The following BORCS5 variants were observed in gnomAD, a reference collection of about 807,000 sequenced individuals.
The protein encoded by BORCS5 is BLOC-1-related complex subunit 5.
BORCS5 carries 17 observed loss-of-function variants against 22.1 expected under a neutral mutation model. That is an observed-to-expected ratio of 0.77 (90% confidence interval 0.53 to 1.15). The LOEUF (loss-of-function observed/expected upper bound fraction) is 1.15, where lower values mean the gene tolerates loss of function less well. Ranked by LOEUF, BORCS5 falls within the 50% of genes most tolerant of loss-of-function variation. The pLI is 0.00. For missense variants in BORCS5, 247 were observed against 253.2 expected (o/e 0.98, Z 0.17); for synonymous variants, 117 against 99.8 (o/e 1.17, Z -1.03).
chr12:12,367,017 G>A (rs1183674279), intron 2 of BORCS5, among the ~76,000 whole-genome samples: 3 of 152,140 alleles, frequency 2.0e-5, no homozygotes, highest in African/African-American at 7.2e-5. Flanking sequence ...TTGGGAGTTT[G>A]GTGTTTGGTT....
At chr12:12,464,579 G>C (rs561548958) in intron 3 of BORCS5, among the ~76,000 whole-genome samples, 1 of 152,078 alleles carries the variant, frequency 6.6e-6, no homozygotes, top group Non-Finnish European at 1.5e-5. Context: ...TAGTTGAGCT[G>C]TTTTCTCCTG....
chr12:12,460,991 A>G (rs534036377), intron 3 of BORCS5, among the ~76,000 whole-genome samples: 9 of 152,284 alleles, frequency 5.9e-5, no homozygotes, highest in African/African-American at 2.2e-4. Context: ...ACAGATGCCT[A>G]ATAACCTTAG....
rs571117986 is a variant in BORCS5, at chr12:12,379,143, A to G, written c.202+17794A>G. Among the ~76,000 whole-genome samples, 11 of 148,216 alleles carry G rather than the reference A, an allele frequency of 7.4e-5. 1 individual carries two copies. The highest frequency in any genetic ancestry group is 1.2e-4 in the African/African-American group (5 of 40,152). Reference sequence around the variant, plus strand: ...TTTTTTTTTTTTCTTTTTGGAGGCAAAAATCTTGCTTTGTTGCCCAGGCTT... The same window carrying G: ...TTTTTTTTTTTTCTTTTTGGAGGCAGAAATCTTGCTTTGTTGCCCAGGCTT... On this transcript the variant is annotated intron_variant, in intron 2 of 3. Transcript: ENST00000314565.
rs1208053835 is a variant in BORCS5, at chr12:12,357,135, C to A, written c.-317C>A. The A allele has an allele frequency of 2.0e-6, 3 of 1,527,862 alleles. No homozygotes were observed. The South Asian group carries it at 3.6e-5, about 18-fold the overall frequency. The allele number at this position is 1,527,862 out of a possible 1,614,324, so 94.6% of individuals were successfully genotyped here. On this transcript the variant is annotated 5_prime_UTR_variant, in exon 1 of 4. Transcript: ENST00000314565. ...CGTGAACCAGTGAGTGAAAGCGGCG[C>A]CGCCCGCCGGCCGCAGGTGCGGCAA...
chr12:12,385,643 G>A (rs1311430819), intron 2 of BORCS5, among the ~76,000 whole-genome samples: 1 of 151,066 alleles, frequency 6.6e-6, no homozygotes, highest in African/African-American at 2.4e-5. Flanking sequence ...TGAAGTAGCT[G>A]GGACTGCAGG....
intron 3 of BORCS5, among the ~76,000 whole-genome samples, chr12:12,462,650 A>AT (rs1943128964): frequency 9.7e-6 from 1 of 103,046 alleles, no homozygotes; most frequent in Non-Finnish European, 2.0e-5. Flanking sequence ...CTGAAGCTGG[A>AT]TTTATTTTAT....
intron 2 of BORCS5, among the ~76,000 whole-genome samples, chr12:12,362,506 T>C (rs1863309137): frequency 6.6e-6 from 1 of 152,164 alleles, no homozygotes; most frequent in Non-Finnish European, 1.5e-5. Context: ...GTTGGTGTGC[T>C]GCACCCATTA....
chr12:12,383,148 T>C (rs1863811025), intron 2 of BORCS5, among the ~76,000 whole-genome samples: 1 of 151,358 alleles, frequency 6.6e-6, no homozygotes, highest in South Asian at 2.1e-4. Flanking sequence ...TTTAACTATG[T>C]ATTTTTTGGA....
intron 3 of BORCS5, among the ~76,000 whole-genome samples, chr12:12,465,261 A>G (rs1047107875): frequency 2.0e-5 from 3 of 152,304 alleles, no homozygotes; most frequent in Admixed American, 6.5e-5. Flanking sequence ...TTCCCCTCAT[A>G]TAGGGAGATA....
At chr12:12,413,546 T>G (rs1337220961) in intron 2 of BORCS5, among the ~76,000 whole-genome samples, 1 of 145,520 alleles carries the variant, frequency 6.9e-6, no homozygotes, top group Non-Finnish European at 1.5e-5. Context: ...GCCTTTCTAT[T>G]CCACAAAACC....
chr12:12,433,199 G>A (rs1161563221), intron 2 of BORCS5, among the ~76,000 whole-genome samples: 1 of 151,866 alleles, frequency 6.6e-6, no homozygotes, highest in Non-Finnish European at 1.5e-5. Flanking sequence ...GGCAGGAATG[G>A]TGGCACATGC....
chr12:12,416,366 C>T (rs1723262295), intron 2 of BORCS5, among the ~76,000 whole-genome samples: 1 of 151,610 alleles, frequency 6.6e-6, no homozygotes, highest in Admixed American at 6.6e-5. Context: ...CTTCTGCTAA[C>T]TTTGGGTTTA....
At chr12:12,407,515 C>T (rs542204281) in intron 2 of BORCS5, among the ~76,000 whole-genome samples, 2 of 151,760 alleles carry the variant, frequency 1.3e-5, no homozygotes, top group Middle Eastern at 6.8e-3. Context: ...TCATTTTAAT[C>T]CTTTTTGAGT....
intron 2 of BORCS5, among the ~76,000 whole-genome samples, chr12:12,421,253 G>A (rs1485614086): frequency 6.6e-6 from 1 of 152,094 alleles, no homozygotes; most frequent in African/African-American, 2.4e-5. Flanking sequence ...AGAGTTTTTA[G>A]CATGAAGCGC....
At chr12:12,406,081 T>C (rs1269713118) in intron 2 of BORCS5, among the ~76,000 whole-genome samples, 1 of 152,250 alleles carries the variant, frequency 6.6e-6, no homozygotes, top group Non-Finnish European at 1.5e-5. Flanking sequence ...CCTTGGAAAC[T>C]GTTTTACAGA....
chr12:12,419,145 C>T (rs528190303), intron 2 of BORCS5, among the ~76,000 whole-genome samples: 1 of 152,206 alleles, frequency 6.6e-6, no homozygotes, highest in East Asian at 1.9e-4. Context: ...GCTGCACCCA[C>T]CAACTCGTCA....
rs115665502 is a variant in BORCS5, at chr12:12,371,485, G to A, written c.202+10136G>A. Among the ~76,000 whole-genome samples the A allele has an allele frequency of 7.5e-3, 1,147 of 152,166 alleles. 20 individuals carry two copies. The highest frequency in any genetic ancestry group is 0.026 in the African/African-American group (1,082 of 41,510). On this transcript the variant is annotated intron_variant, in intron 2 of 3. Coordinates refer to ENST00000314565, the MANE Select transcript of BORCS5 (RefSeq NM_058169.6). ...CTTTTTGTATTTTTTGTAGAGATGG[G>A]GTTTCCCAATGTTGCCTAGGCTAGT...
At chr12:12,464,153 C>T (rs757324145) in intron 3 of BORCS5, among the ~76,000 whole-genome samples, 9 of 152,108 alleles carry the variant, frequency 5.9e-5, no homozygotes, top group South Asian at 4.1e-4. Context: ...CAGAGAACCC[C>T]GGAAAGTGTG....
rs932962467 is a variant in BORCS5 at position 12,459,312 on chromosome 12, A to AT, written c.361-6220dup. Among the ~76,000 whole-genome samples, 1,254 of 146,068 alleles carry AT rather than the reference A, an allele frequency of 8.6e-3. 15 individuals carry two copies. The highest frequency in any genetic ancestry group is 0.026 in the African/African-American group (1,047 of 40,076). The stretch of plus-strand genomic sequence containing the variant: ...AATCTTTGCATACCCCAAGGTAGCA[A>AT]TTTTTTTTTTTTTTAAAGACAGGGT... On this transcript the variant is annotated intron_variant, in intron 3 of 3. Coordinates refer to ENST00000314565, the MANE Select transcript of BORCS5 (RefSeq NM_058169.6).
Sources: allele counts gnomAD v4.1 joint callset (sites outside exome capture counted in the v4.1 genomes callset), GRCh38; gene constraint gnomAD v4.1.1; transcripts MANE v1.5; gene names NCBI Gene and HGNC (gene_info 2026-07-23, HGNC 2026-07-21).